The following LSM11 variants were observed in gnomAD, a reference collection of about 807,000 sequenced individuals.
LSM11 encodes the protein U7 snRNA-associated Sm-like protein LSm11.
A neutral mutation model predicts 28.1 loss-of-function variants in LSM11; 14 were observed. The observed-to-expected ratio is 0.50, with a 90% CI of 0.33 to 0.78. The LOEUF (loss-of-function observed/expected upper bound fraction) is 0.78, where lower values mean the gene tolerates loss of function less well. Among genes scored for constraint, LSM11 ranks in the 30% least tolerant of loss-of-function variants. The probability of loss-of-function intolerance (pLI) is 0.02; values close to 1 mark genes in which losing one functional copy is unlikely to be tolerated. For missense variants in LSM11, 495 were observed against 510.6 expected (o/e 0.97, Z 0.30); for synonymous variants, 207 against 214.2 (o/e 0.97, Z 0.30).
At chr5:157,754,621 G>A (rs1761292893) in intron 3 of LSM11, among the ~76,000 whole-genome samples, 1 of 150,172 alleles carries the variant, frequency 6.7e-6, no homozygotes, top group African/African-American at 2.5e-5. Flanking sequence ...GAACCTGGGA[G>A]GTGGAGGTCG....
intron 2 of LSM11, among the ~76,000 whole-genome samples, chr5:157,752,588 G>A (rs1047381227): frequency 6.6e-6 from 1 of 151,362 alleles, no homozygotes; most frequent in African/African-American, 2.4e-5. Context: ...GTTCACACCT[G>A]TAATCCCAGC....
chr5:157,749,381 G>C (rs1561619824), intron 1 of LSM11, among the ~76,000 whole-genome samples: 1 of 152,180 alleles, frequency 6.6e-6, no homozygotes, highest in Non-Finnish European at 1.5e-5. Context: ...CAGTTTCTAA[G>C]AAATTGAGTT....
chr5:157,743,984 G>A lies in LSM11; in HGVS notation c.234G>A (p.Arg78=), dbSNP rs1013570920. Residue 78 remains arginine, a synonymous_variant, in exon 1 of 4, where the codon CGG becomes CGA. Transcript: ENST00000286307. ...GCGGGCGCGGGCGCGGGCGGGCTCG[G>A]GGCGCGGCCGCGGGCTCTGGGGTTC... The part of the protein sequence containing the change: ...RGGGRGRGRA[R]GAAAGSGVPA... 1 of 1,266,986 alleles carries A rather than the reference G, an allele frequency of 7.9e-7. No individual in the cohort carries two copies. Among genetic ancestry groups the A allele is most frequent in the African/African-American group, 1.6e-5 (1 of 63,556 alleles). The allele number at this position is 1,266,986 out of a possible 1,614,324, so 78.5% of individuals were successfully genotyped here.
intron 1 of LSM11, 99 bp downstream of exon 1, chr5:157,744,297 C>A: frequency 2.1e-6 from 2 of 939,944 alleles, no homozygotes; most frequent in African/African-American, 1.7e-5. Flanking sequence ...CGCGGGTCTG[C>A]ACGTATTGCG....
At position 157,759,544 on chromosome 5, in the gene LSM11, TTA is replaced by T. The variant is rs1209160405; in HGVS notation, c.*4282_*4283del. 1 of 152,194 alleles carries T rather than the reference TTA, an allele frequency of 6.6e-6. No homozygotes were observed. Among genetic ancestry groups the T allele is most frequent in the Non-Finnish European group, 1.5e-5 (1 of 68,032 alleles). 9.4% of individuals were successfully genotyped at this position (152,194 alleles called of 1,614,324 possible). On this transcript the variant is annotated 3_prime_UTR_variant, in exon 4 of 4. Transcript: ENST00000286307. The stretch of plus-strand genomic sequence containing the variant: ...TGCTACCCCAAAGCTTTCCAATCTT[TTA>T]TGTATTTTTTGTGAATGAAACTGTT...
rs375454566 is a variant in LSM11, at chr5:157,757,362, G to C, written c.*2098G>C. 6.6e-6 allele frequency: 1 copy of C among 151,920 alleles called. No individual in the cohort carries two copies. Among genetic ancestry groups the C allele is most frequent in the East Asian group, 1.9e-4 (1 of 5,190 alleles). The allele number at this position is 151,920 out of a possible 1,614,324, so 9.4% of individuals were successfully genotyped here. On this transcript the variant is annotated 3_prime_UTR_variant, in exon 4 of 4. Coordinates refer to ENST00000286307, the MANE Select transcript of LSM11 (RefSeq NM_173491.4). ...TTTTGCTGCTCCCGCTATATCCCAGGCCTCACCCTTTTCTGATCATTATCA... is the reference window on the plus strand; with the variant it reads ...TTTTGCTGCTCCCGCTATATCCCAGCCCTCACCCTTTTCTGATCATTATCA...
In LSM11 at chr5:157,746,900, C is replaced by G. The variant is rs145267064; in HGVS notation, c.448+2702C>G. ...CATAGAGACCTCTACAGAGGTGATACGAGGTCTCAAAAAAAAGTAATAATA... is the reference window on the plus strand; with the variant it reads ...CATAGAGACCTCTACAGAGGTGATAGGAGGTCTCAAAAAAAAGTAATAATA... On this transcript the variant is annotated intron_variant, in intron 1 of 3. Transcript: ENST00000286307. 6.8e-4 allele frequency among the ~76,000 whole-genome samples: 104 copies of G among 151,846 alleles called. 4 individuals are homozygous for G. In the East Asian group the frequency reaches 0.019, roughly 28 times the overall value.
intron 2 of LSM11, among the ~76,000 whole-genome samples, chr5:157,753,796 C>T (rs540150963): frequency 2.0e-5 from 3 of 152,136 alleles, no homozygotes; most frequent in Non-Finnish European, 4.4e-5. Flanking sequence ...TAGGTGAAAC[C>T]CATCTTATAT....
In LSM11 at chr5:157,756,372, T is replaced by A. The variant is rs1761328490; in HGVS notation, c.*1108T>A. 1 of 152,768 alleles carries A rather than the reference T, an allele frequency of 6.5e-6. No individual in the cohort carries two copies. The highest frequency in any genetic ancestry group is 1.5e-5 in the Non-Finnish European group (1 of 68,040). 9.5% of individuals were successfully genotyped at this position (152,768 alleles called of 1,614,324 possible). On this transcript the variant is annotated 3_prime_UTR_variant, in exon 4 of 4. Coordinates refer to ENST00000286307, the MANE Select transcript of LSM11 (RefSeq NM_173491.4). ...CATAGCACCCACAAATACTTCTACTTGAATCATATTCTGTGCTTTTTCAAT... is the reference window on the plus strand; with the variant it reads ...CATAGCACCCACAAATACTTCTACTAGAATCATATTCTGTGCTTTTTCAAT...
At chr5:157,750,320 A>T (rs773479265) in intron 1 of LSM11, among the ~76,000 whole-genome samples, 5 of 152,212 alleles carry the variant, frequency 3.3e-5, no homozygotes, top group Middle Eastern at 3.2e-3. Flanking sequence ...GTGAGAGCTG[A>T]GTTAACATGA....
rs200310023 is a variant in LSM11 at position 157,754,917 on chromosome 5, G to C, written c.736G>C (p.Glu246Gln). The C allele has an allele frequency of 6.2e-7, 1 of 1,614,172 alleles. No individual in the cohort carries two copies. Among genetic ancestry groups the C allele is most frequent in the Admixed American group, 1.7e-5 (1 of 60,016 alleles). ...GGAAGCAGATTCTAAGTCTGCAGTT[G>C]AAGATTCCACTCTGTCTAGATACTC... is the stretch of plus-strand genomic sequence containing the variant. ...KKEADSKSAVEDSTLSRYSQT... is the reference protein window; with the variant it reads ...KKEADSKSAVQDSTLSRYSQT... The change falls in exon 4 of 4, where the codon GAA becomes CAA. Residue 246 changes from glutamate (E) to glutamine (Q), a missense_variant. Coordinates refer to ENST00000286307, the MANE Select transcript of LSM11 (RefSeq NM_173491.4).
Position 157,755,929 on chromosome 5 carries a change from C to A in LSM11, c.*665C>A, listed in dbSNP as rs1761319469. 1 of 380,270 alleles carries A rather than the reference C, an allele frequency of 2.6e-6. No homozygotes were observed. Among genetic ancestry groups the A allele is most frequent in the Non-Finnish European group, 4.6e-6 (1 of 215,140 alleles). 23.6% of individuals were successfully genotyped at this position (380,270 alleles called of 1,614,324 possible). On this transcript the variant is annotated 3_prime_UTR_variant, in exon 4 of 4. Coordinates refer to ENST00000286307, the MANE Select transcript of LSM11 (RefSeq NM_173491.4). ...AGTACAGGACCTCTTCAGTCTTCCC[C>A]TTACCAGAGGTAGCCTCTGCAAATG... is the stretch of plus-strand genomic sequence containing the variant.
intron 1 of LSM11, among the ~76,000 whole-genome samples, chr5:157,749,239 A>G (rs1761189401): frequency 6.6e-6 from 1 of 152,214 alleles, no homozygotes; most frequent in South Asian, 2.1e-4. Flanking sequence ...GAGGTGTGGG[A>G]AAGAAGTAAT....
At chr5:157,749,423 G>A (rs1761192805) in intron 1 of LSM11, among the ~76,000 whole-genome samples, 1 of 152,124 alleles carries the variant, frequency 6.6e-6, no homozygotes, top group African/African-American at 2.4e-5. Context: ...AAATCTACAA[G>A]TTAACTATCT....
Position 157,755,678 on chromosome 5 carries a change from G to A in LSM11, c.*414G>A, listed in dbSNP as rs1581453676. On this transcript the variant is annotated 3_prime_UTR_variant, in exon 4 of 4. Transcript: ENST00000286307. ...TGAGTACTCATGAATTCGATTCCAA[G>A]AGTAGTGGTGTAAATTGCCTTGGAG... 2 of 405,060 alleles carry A rather than the reference G, an allele frequency of 4.9e-6. No homozygotes were observed. Among genetic ancestry groups the A allele is most frequent in the Non-Finnish European group, 8.7e-6 (2 of 229,730 alleles). The allele number at this position is 405,060 out of a possible 1,614,324, so 25.1% of individuals were successfully genotyped here.
chr5:157,754,079 C>G lies in LSM11; in HGVS notation c.664C>G (p.Leu222Val). 6.4e-6 allele frequency: 10 copies of G among 1,573,250 alleles called. No homozygotes were observed. Among genetic ancestry groups the G allele is most frequent in the Non-Finnish European group, 8.6e-6 (10 of 1,160,784 alleles). The change falls in exon 3 of 4, where the codon CTC becomes GTC. Residue 222 changes from leucine (L) to valine (V), a missense_variant. Physicochemically the swap from Leu to Val is conservative, Grantham distance 32. Coordinates refer to ENST00000286307, the MANE Select transcript of LSM11 (RefSeq NM_173491.4). The stretch of plus-strand genomic sequence containing the variant: ...ATATGAACGGGATTCTTCACTGACT[C>G]TCACTAGGGTAGGCAGTTTTCCCCT... ...KAYERDSSLT[L>V]TRLFDRLKLQ...
intron 2 of LSM11, among the ~76,000 whole-genome samples, chr5:157,752,898 A>G (rs1217428450): frequency 1.3e-5 from 2 of 150,196 alleles, no homozygotes; most frequent in African/African-American, 2.4e-5. Flanking sequence ...TTTCTTTTCC[A>G]TATGGTCTTC....
chr5:157,755,331 T>C lies in LSM11; in HGVS notation c.*67T>C. On this transcript the variant is annotated 3_prime_UTR_variant, in exon 4 of 4. Coordinates refer to ENST00000286307, the MANE Select transcript of LSM11 (RefSeq NM_173491.4). Reference sequence around the variant, plus strand: ...GAATTGCTGCTATGCTGTATCCTAGTATCCCAGTGAAACTCTGAGTTGGAA... The same window carrying C: ...GAATTGCTGCTATGCTGTATCCTAGCATCCCAGTGAAACTCTGAGTTGGAA... 1.3e-6 allele frequency: 2 copies of C among 1,492,624 alleles called. No homozygotes were observed. The highest frequency in any genetic ancestry group is 1.8e-6 in the Non-Finnish European group (2 of 1,098,046). The allele number at this position is 1,492,624 out of a possible 1,614,324, so 92.5% of individuals were successfully genotyped here.
intron 1 of LSM11, among the ~76,000 whole-genome samples, chr5:157,744,942 C>T (rs1176840690): frequency 6.6e-6 from 1 of 150,572 alleles, no homozygotes; most frequent in African/African-American, 2.5e-5. Flanking sequence ...TTTACAGCCA[C>T]TCTGCCTGGC....
Sources: allele counts gnomAD v4.1 joint callset (sites outside exome capture counted in the v4.1 genomes callset), GRCh38; gene constraint gnomAD v4.1.1; transcripts MANE v1.5; gene names NCBI Gene and HGNC (gene_info 2026-07-23, HGNC 2026-07-21).